The following BIRC6 variants were observed in gnomAD, a reference collection of about 807,000 sequenced individuals.
The protein encoded by BIRC6 is baculoviral IAP repeat containing 6.
A neutral mutation model predicts 503.3 loss-of-function variants in BIRC6; 98 were observed. The ratio of observed to expected loss-of-function variants is 0.19; its 90% CI spans 0.17 to 0.23. The LOEUF (loss-of-function observed/expected upper bound fraction) is 0.23, where lower values mean the gene tolerates loss of function less well. Among genes scored for constraint, BIRC6 ranks in the 10% least tolerant of loss-of-function variants. The pLI, the probability that BIRC6 is intolerant of heterozygous loss-of-function variation, is 1.00. For missense variants in BIRC6, 5,360 were observed against 5,806.0 expected (o/e 0.92, Z 2.50); for synonymous variants, 2,240 against 2,078.7 (o/e 1.08, Z -2.11).
intron 3 of BIRC6, among the ~76,000 whole-genome samples, chr2:32,387,738 T>C (rs1241841284): frequency 6.6e-6 from 1 of 152,168 alleles, no homozygotes; most frequent in Non-Finnish European, 1.5e-5. Context: ...TATATTCTTA[T>C]GGATGGAGGT....
At chr2:32,470,736 T>C (rs2049011197) in intron 31 of BIRC6, among the ~76,000 whole-genome samples, 1 of 152,208 alleles carries the variant, frequency 6.6e-6, no homozygotes, top group African/African-American at 2.4e-5. Context: ...TAGTATCTTA[T>C]ACCTTGCTTT....
intron 62 of BIRC6, among the ~76,000 whole-genome samples, chr2:32,544,931 G>A (rs1322626468): frequency 1.3e-5 from 2 of 151,358 alleles, no homozygotes; most frequent in Admixed American, 6.6e-5. Context: ...CATAGTAGTT[G>A]TACATATTTA....
In BIRC6 at chr2:32,395,496, T is replaced by C; in HGVS notation, c.952-15T>C. 1 of 1,574,888 alleles carries C rather than the reference T, an allele frequency of 6.3e-7. No homozygotes were observed. Among genetic ancestry groups the C allele is most frequent in the Non-Finnish European group, 8.7e-7 (1 of 1,148,304 alleles). On this transcript the variant is annotated splice_polypyrimidine_tract_variant and intron_variant, in intron 5 of 73. Coordinates refer to ENST00000421745, the MANE Select transcript of BIRC6 (RefSeq NM_016252.4). Reference sequence around the variant, plus strand: ...TGATTTACCTTTTCTGTCTCTTTTCTTTATAATTTTGCAGCCTGCCTCATC... The same window carrying C: ...TGATTTACCTTTTCTGTCTCTTTTCCTTATAATTTTGCAGCCTGCCTCATC...
intron 9 of BIRC6, among the ~76,000 whole-genome samples, chr2:32,410,614 A>C (rs2041753161): frequency 6.6e-6 from 1 of 152,226 alleles, no homozygotes; most frequent in African/African-American, 2.4e-5. Context: ...TCATGAATAA[A>C]ATAGTGTAAA....
intron 10 of BIRC6, among the ~76,000 whole-genome samples, chr2:32,416,923 G>T (rs1025974782): frequency 6.0e-5 from 9 of 149,910 alleles, no homozygotes; most frequent in African/African-American, 2.2e-4. Flanking sequence ...TGCAACATCC[G>T]CTCCCAGGTT....
At chr2:32,602,775 T>A (rs1295944413) in intron 70 of BIRC6, 5 of 426,190 alleles carry the variant, frequency 1.2e-5, no homozygotes, top group African/African-American at 1.0e-4. Flanking sequence ...TGTTGACATA[T>A]AATAGGTGCT....
intron 66 of BIRC6, among the ~76,000 whole-genome samples, chr2:32,580,363 C>G (rs1463347909): frequency 6.6e-6 from 1 of 152,066 alleles, no homozygotes. Flanking sequence ...TAGGAATTAA[C>G]CAAGAATAGA....
intron 62 of BIRC6, 120 bp from the exon 63 acceptor site, chr2:32,545,523 A>G (rs1322357472): frequency 1.2e-6 from 1 of 822,450 alleles, no homozygotes; most frequent in Non-Finnish European, 2.0e-6. Flanking sequence ...TTGGTTTTCT[A>G]AATAATTTAG....
At position 32,583,743 on chromosome 2, in the gene BIRC6, C is replaced by A. The variant is rs188008675; in HGVS notation, c.13355+8377C>A. ...GCTAAAACGTATTGTAATTTTTTTT[C>A]CCCCTGAGACAGTCTCTCACTCTGT... On this transcript the variant is annotated intron_variant, in intron 66 of 73. Transcript: ENST00000421745. Among the ~76,000 whole-genome samples the A allele has an allele frequency of 3.6e-3, 547 of 151,924 alleles. 5 individuals are homozygous for A. Among genetic ancestry groups the A allele is most frequent in the Admixed American group, 8.1e-3 (124 of 15,248 alleles).
At chr2:32,504,687 A>T (rs2053602806) in intron 49 of BIRC6, among the ~76,000 whole-genome samples, 7 of 151,798 alleles carry the variant, frequency 4.6e-5, no homozygotes. Context: ...AAATAAATAA[A>T]TAAATAATAA....
chr2:32,516,689 T>A (rs2149722810), intron 55 of BIRC6, among the ~76,000 whole-genome samples: 1 of 152,170 alleles, frequency 6.6e-6, no homozygotes, highest in East Asian at 1.9e-4. Context: ...AATCATAATT[T>A]ATTATTTATC....
Position 32,602,994 on chromosome 2 carries a change from T to C in BIRC6, c.13993-12T>C, listed in dbSNP as rs772428510. On this transcript the variant is annotated splice_polypyrimidine_tract_variant and intron_variant, in intron 70 of 73. Transcript: ENST00000421745. ...TTTTTTCAATTCTGTTTATGCTTTTTTCGTTCGTCAGGTTTGTTTAAGCAT... is the reference window on the plus strand; with the variant it reads ...TTTTTTCAATTCTGTTTATGCTTTTCTCGTTCGTCAGGTTTGTTTAAGCAT... 4 of 1,600,052 alleles carry C rather than the reference T, an allele frequency of 2.5e-6. No individual in the cohort carries two copies. Among genetic ancestry groups the C allele is most frequent in the East Asian group, 4.5e-5 (2 of 44,686 alleles).
At chr2:32,405,615 T>A (rs1442273370) in intron 8 of BIRC6, among the ~76,000 whole-genome samples, 1 of 152,134 alleles carries the variant, frequency 6.6e-6, no homozygotes, top group Non-Finnish European at 1.5e-5. Flanking sequence ...GACAAGACTT[T>A]GTCTTGTCTT....
At chr2:32,555,261 C>G (rs1174401781) in intron 65 of BIRC6, among the ~76,000 whole-genome samples, 2 of 151,866 alleles carry the variant, frequency 1.3e-5, no homozygotes, top group Non-Finnish European at 1.5e-5. Flanking sequence ...GCCTGTAATC[C>G]CTTTGGGAGG....
chr2:32,578,628 C>T (rs1045903228), intron 66 of BIRC6, among the ~76,000 whole-genome samples: 2 of 151,878 alleles, frequency 1.3e-5, no homozygotes, highest in East Asian at 3.9e-4. Flanking sequence ...AAACCCATCT[C>T]TACTAAAAAT....
At chr2:32,386,492 G>A (rs2038492674) in intron 3 of BIRC6, among the ~76,000 whole-genome samples, 1 of 150,702 alleles carries the variant, frequency 6.6e-6, no homozygotes, top group Non-Finnish European at 1.5e-5. Flanking sequence ...CACTCAGGCT[G>A]GAGTACAGTG....
At chr2:32,542,497 T>C (rs767508837) in intron 61 of BIRC6, among the ~76,000 whole-genome samples, 5 of 152,154 alleles carry the variant, frequency 3.3e-5, no homozygotes, top group African/African-American at 4.8e-5. Context: ...CTGATAAAAA[T>C]TAATGGATAA....
intron 21 of BIRC6, among the ~76,000 whole-genome samples, chr2:32,448,517 G>A (rs998626126): frequency 6.6e-6 from 1 of 152,192 alleles, no homozygotes. Flanking sequence ...CAGGCGTGGC[G>A]ACGCGCGCCT....
In BIRC6 at chr2:32,477,506, G is replaced by A. The variant is rs1473976224; in HGVS notation, c.6991G>A (p.Val2331Ile). The A allele has an allele frequency of 7.4e-6, 12 of 1,613,954 alleles. No homozygotes were observed. The highest frequency in any genetic ancestry group is 1.0e-5 in the Non-Finnish European group (12 of 1,179,862). The change falls in exon 35 of 74, where the codon GTA becomes ATA. Residue 2331 changes from valine to isoleucine, a missense_variant. This residue lies in a region of BIRC6 where 2,299 missense variants were observed against 2,267.2 expected (regional missense o/e 1.01). Transcript: ENST00000421745. ...TCTGGCCCATGAGCGTTGTATCTCA[G>A]TAGTCCAGAAACTTGTTCTGTTTCT... ...FTLAHERCISVVQKLVLFLLS... is the reference protein window; with the variant it reads ...FTLAHERCISIVQKLVLFLLS...
Sources: gnomAD v4.1 joint callset for allele counts (sites outside exome capture counted in the v4.1 genomes callset) on GRCh38, gnomAD v4.1.1 for gene constraint, gnomAD v4.1.1 regional missense constraint, MANE v1.5 for transcripts, NCBI Gene and HGNC (gene_info 2026-07-23, HGNC 2026-07-21) for gene names.